The following ADAM32 variants were observed in gnomAD, a reference collection of about 807,000 sequenced individuals.
ADAM32 encodes ADAM metallopeptidase domain 32, also known as disintegrin and metalloproteinase domain-containing protein 32.
A neutral mutation model predicts 114.9 loss-of-function variants in ADAM32; 89 were observed. That is an observed-to-expected ratio of 0.77 (90% confidence interval 0.65 to 0.92). The LOEUF (loss-of-function observed/expected upper bound fraction) is 0.92. ADAM32 is among the 40% of genes least tolerant of loss of function. The pLI is 0.00. For synonymous variants in ADAM32, 285 were observed against 307.5 expected (o/e 0.93, Z 0.77); for missense variants, 870 against 932.8 (o/e 0.93, Z 0.88).
chr8:39,241,652 G>T (rs569574052), intron 16 of ADAM32, among the ~76,000 whole-genome samples: 101 of 152,350 alleles, frequency 6.6e-4, no homozygotes, highest in Non-Finnish European at 1.2e-3. Context: ...CAGCTTGAGT[G>T]GCTGGATGCA....
chr8:39,271,087 A>C (rs897833490), intron 20 of ADAM32, among the ~76,000 whole-genome samples, 173 bp downstream of exon 20: 4 of 152,188 alleles, frequency 2.6e-5, no homozygotes, highest in African/African-American at 9.7e-5. Flanking sequence ...TCCTTTCTTC[A>C]TTTAATAAAT....
intron 17 of ADAM32, among the ~76,000 whole-genome samples, chr8:39,249,468 T>G (rs929910734): frequency 6.6e-6 from 1 of 152,176 alleles, no homozygotes; most frequent in African/African-American, 2.4e-5. Context: ...TCTTGTAATA[T>G]TTTTCTATGG....
chr8:39,273,562 T>C (rs1258203335), intron 20 of ADAM32, among the ~76,000 whole-genome samples: 1 of 150,982 alleles, frequency 6.6e-6, no homozygotes, highest in Non-Finnish European at 1.5e-5. Context: ...AAGGATAGGA[T>C]AGTAAACACA....
chr8:39,211,398 T>A, intron 12 of ADAM32, 74 bp downstream of exon 12: 3 of 1,341,768 alleles, frequency 2.2e-6, no homozygotes. Flanking sequence ...ATGTCATATA[T>A]CTCAAATGTG....
At chr8:39,139,892 C>T (rs1397817113) in intron 3 of ADAM32, among the ~76,000 whole-genome samples, 2 of 152,128 alleles carry the variant, frequency 1.3e-5, no homozygotes. Flanking sequence ...TCCTTCACAT[C>T]CCTTGTAAGT....
chr8:39,148,477 T>G (rs1209201367), intron 4 of ADAM32, among the ~76,000 whole-genome samples: 3 of 21,384 alleles, frequency 1.4e-4, no homozygotes, highest in East Asian at 3.4e-3. Flanking sequence ...TCTATTTCCT[T>G]TACCTTTTTT....
intron 22 of ADAM32, among the ~76,000 whole-genome samples, chr8:39,278,347 A>C (rs541893190): frequency 1.3e-5 from 2 of 152,198 alleles, no homozygotes; most frequent in East Asian, 3.9e-4. Flanking sequence ...CTCTCTTTGG[A>C]TGGTGGTTTC....
At position 39,228,145 on chromosome 8, in the gene ADAM32, A is replaced by G. The variant is rs554103642; in HGVS notation, c.1526-3882A>G. Among the ~76,000 whole-genome samples the G allele has an allele frequency of 1.3e-3, 203 of 152,330 alleles. 1 individual carries two copies. The highest frequency in any genetic ancestry group is 4.8e-3 in the African/African-American group (200 of 41,574). ...GGAAAACGGGGAGAGTACTACATCA[A>G]GGGAACACCCCATGGGACAAAAGAA... On this transcript the variant is annotated intron_variant, in intron 14 of 24. Transcript: ENST00000379907.
chr8:39,141,699 A>G (rs527814183), intron 3 of ADAM32, among the ~76,000 whole-genome samples: 57 of 152,272 alleles, frequency 3.7e-4, no homozygotes, highest in African/African-American at 1.3e-3. Context: ...GTATATGTCT[A>G]TTAGGTCCAC....
intron 2 of ADAM32, among the ~76,000 whole-genome samples, chr8:39,129,125 C>CTTTTTTTTTTT (rs71218309): frequency 1.5e-5 from 2 of 133,528 alleles, no homozygotes; most frequent in African/African-American, 2.8e-5. Flanking sequence ...TTTTTTTTGT[C>CTTTTTTTTTTT]TTTTTTTTTT....
rs181607900 is a variant in ADAM32, at chr8:39,201,812, A to G, written c.1053-9332A>G. Among the ~76,000 whole-genome samples the G allele has an allele frequency of 1.4e-4, 21 of 152,252 alleles. No homozygotes were observed. In the East Asian group the frequency reaches 4.0e-3, roughly 29 times the overall value. On this transcript the variant is annotated intron_variant, in intron 11 of 24. Transcript: ENST00000379907. Reference sequence around the variant, plus strand: ...TTTGAGATACATCCTATCAATACTTAATTTATTGAGAGTTTTTAGCATGAA... The same window carrying G: ...TTTGAGATACATCCTATCAATACTTGATTTATTGAGAGTTTTTAGCATGAA...
chr8:39,152,936 C>T (rs993584780), intron 6 of ADAM32, among the ~76,000 whole-genome samples: 10 of 152,138 alleles, frequency 6.6e-5, no homozygotes, highest in Non-Finnish European at 1.0e-4. Context: ...TATCTTCTTT[C>T]CCTTTTCTGC....
At chr8:39,188,190 ACT>A (rs1306783536) in intron 11 of ADAM32, among the ~76,000 whole-genome samples, 1 of 152,142 alleles carries the variant, frequency 6.6e-6, no homozygotes, top group African/African-American at 2.4e-5. Context: ...AATAGCTCAA[ACT>A]CAACATATTT....
intron 2 of ADAM32, among the ~76,000 whole-genome samples, chr8:39,120,568 C>T (rs1020021239): frequency 2.6e-5 from 4 of 151,918 alleles, no homozygotes; most frequent in African/African-American, 9.7e-5. Flanking sequence ...TCAAGACCAA[C>T]CTGGGTAACA....
At chr8:39,142,795 T>C (rs1207542077) in intron 3 of ADAM32, among the ~76,000 whole-genome samples, 1 of 152,116 alleles carries the variant, frequency 6.6e-6, no homozygotes, top group Non-Finnish European at 1.5e-5. Flanking sequence ...TCCTGAAGAG[T>C]GTATTCTATC....
Position 39,230,068 on chromosome 8 carries a change from A to G in ADAM32, c.1526-1959A>G, listed in dbSNP as rs528504517. On this transcript the variant is annotated intron_variant, in intron 14 of 24. Transcript: ENST00000379907. ...CCATCCATGCACACCTATCTATGACATGCATCCACTATTTTAATGCACGTC... is the reference window on the plus strand; with the variant it reads ...CCATCCATGCACACCTATCTATGACGTGCATCCACTATTTTAATGCACGTC... Among the ~76,000 whole-genome samples the G allele has an allele frequency of 2.9e-4, 44 of 152,286 alleles. 1 individual carries two copies. The South Asian group carries it at 4.6e-3, about 16-fold the overall frequency.
chr8:39,146,966 G>A (rs562713252), intron 3 of ADAM32, among the ~76,000 whole-genome samples, 164 bp from the exon 4 acceptor site: 1 of 152,252 alleles, frequency 6.6e-6, no homozygotes, highest in East Asian at 1.9e-4. Flanking sequence ...AGCATGAAAA[G>A]AGCCATGACA....
intron 3 of ADAM32, among the ~76,000 whole-genome samples, chr8:39,144,636 A>G (rs1803386061): frequency 7.5e-6 from 1 of 132,858 alleles, no homozygotes; most frequent in Admixed American, 8.1e-5. Context: ...TCTGCAAATT[A>G]GGCCTAGAAG....
chr8:39,233,082 G>T (rs1809857547), intron 15 of ADAM32, among the ~76,000 whole-genome samples: 1 of 152,106 alleles, frequency 6.6e-6, no homozygotes, highest in South Asian at 2.1e-4. Flanking sequence ...ACCAGAAAGG[G>T]GTCTGAATAC....
Sources: allele counts gnomAD v4.1 joint callset (sites outside exome capture counted in the v4.1 genomes callset), GRCh38; gene constraint gnomAD v4.1.1; transcripts MANE v1.5; gene names NCBI Gene and HGNC (gene_info 2026-07-23, HGNC 2026-07-21).